Variants in TNFRSF21 observed in about 807,000 individuals in gnomAD.
The protein encoded by TNFRSF21 is TNF receptor superfamily member 21, also known as tumor necrosis factor receptor superfamily member 21.
A neutral mutation model predicts 45.6 loss-of-function variants in TNFRSF21; 19 were observed. The ratio of observed to expected loss-of-function variants is 0.42; its 90% CI spans 0.29 to 0.61. The LOEUF (loss-of-function observed/expected upper bound fraction) is 0.61, where lower values mean the gene tolerates loss of function less well. Ranked by LOEUF, TNFRSF21 falls within the 20% of genes least tolerant of loss-of-function variation. The pLI is 0.23. For missense variants in TNFRSF21, 737 were observed against 851.5 expected (o/e 0.87, Z 1.67); for synonymous variants, 314 against 335.5 (o/e 0.94, Z 0.70).
At chr6:47,280,172 G>T (rs974336489) in intron 3 of TNFRSF21, among the ~76,000 whole-genome samples, 1 of 152,222 alleles carries the variant, frequency 6.6e-6, no homozygotes, top group African/African-American at 2.4e-5. Context: ...TTGTTCTACT[G>T]AGGGTAGGCA....
At chr6:47,258,096 G>T (rs1366986589) in intron 3 of TNFRSF21, among the ~76,000 whole-genome samples, 1 of 152,152 alleles carries the variant, frequency 6.6e-6, no homozygotes, top group Non-Finnish European at 1.5e-5. Flanking sequence ...GTAATCATGG[G>T]CTGGACGGGT....
intron 4 of TNFRSF21, among the ~76,000 whole-genome samples, chr6:47,240,175 T>A (rs1405438240): frequency 6.6e-6 from 1 of 152,118 alleles, no homozygotes; most frequent in Non-Finnish European, 1.5e-5. Context: ...TGCCTGATAG[T>A]CCCCAGCAGA....
At chr6:47,273,807 C>G (rs1238625213) in intron 3 of TNFRSF21, among the ~76,000 whole-genome samples, 2 of 151,414 alleles carry the variant, frequency 1.3e-5, no homozygotes, top group Non-Finnish European at 3.0e-5. Context: ...GATATAAAAT[C>G]AATGTGCAAA....
intron 3 of TNFRSF21, among the ~76,000 whole-genome samples, chr6:47,280,260 T>A (rs1262733298): frequency 1.3e-5 from 2 of 152,156 alleles, no homozygotes; most frequent in Non-Finnish European, 2.9e-5. Flanking sequence ...CTTATCCTCA[T>A]GAACAATTCA....
chr6:47,290,003 A>T (rs1762700945), intron 1 of TNFRSF21, among the ~76,000 whole-genome samples: 1 of 152,140 alleles, frequency 6.6e-6, no homozygotes, highest in Non-Finnish European at 1.5e-5. Context: ...CAAAAAAAAG[A>T]AAAAGAAACA....
chr6:47,309,379 G>A, intron 1 of TNFRSF21, 37 bp downstream of exon 1: 1 of 1,514,240 alleles, frequency 6.6e-7, no homozygotes, highest in Non-Finnish European at 8.8e-7. Context: ...CTTCTGCTCC[G>A]GCGCCGCCGC....
Position 47,284,263 on chromosome 6 carries a change from G to A in TNFRSF21, c.918C>T (p.His306=), listed in dbSNP as rs1451808422. The change falls in exon 3 of 6, where the codon CAC becomes CAT. Residue 306 remains histidine (H), a synonymous_variant. Transcript: ENST00000296861. ...ACGGCAGCAGCTTCAGGATGTGTCT[G>A]TGGTGGGGGCCTTGCTGGTGGTTGA... ...QVVNHQQGPH[H]RHILKLLPSM... 3 of 1,613,146 alleles carry A rather than the reference G, an allele frequency of 1.9e-6. No individual in the cohort carries two copies. The highest frequency in any genetic ancestry group is 2.5e-6 in the Non-Finnish European group (3 of 1,179,458).
intron 3 of TNFRSF21, among the ~76,000 whole-genome samples, chr6:47,279,473 T>C (rs892374287): frequency 6.6e-6 from 1 of 152,208 alleles, no homozygotes; most frequent in Admixed American, 6.5e-5. Flanking sequence ...CTCAGTGCAA[T>C]GTATGGCCAA....
intron 4 of TNFRSF21, among the ~76,000 whole-genome samples, chr6:47,251,690 C>G (rs1256042174): frequency 6.6e-6 from 1 of 152,192 alleles, no homozygotes. Flanking sequence ...TCTTCCAGCT[C>G]TCTCCTTAAA....
Position 47,309,598 on chromosome 6 carries a change from C to G in TNFRSF21, c.-87G>C. 7.3e-7 allele frequency: 1 copy of G among 1,367,892 alleles called. No individual in the cohort carries two copies. The highest frequency in any genetic ancestry group is 9.4e-7 in the Non-Finnish European group (1 of 1,069,420). 84.7% of individuals were successfully genotyped at this position (1,367,892 alleles called of 1,614,324 possible). ...CTTCTGCCCAGCGCCGCATCCACCG[C>G]CGCCTCCCGGGCCGGGAGCCCATCT... is the stretch of plus-strand genomic sequence containing the variant. On this transcript the variant is annotated 5_prime_UTR_variant, in exon 1 of 6. Transcript: ENST00000296861.
At position 47,299,297 on chromosome 6, in the gene TNFRSF21, C is replaced by A. The variant is rs547985239; in HGVS notation, c.96+10119G>T. ...CTTGAGGTCAGGAGTTTGAGACCAGCCAACATGGCCAACATGGTGAAACCC... is the reference window on the plus strand; with the variant it reads ...CTTGAGGTCAGGAGTTTGAGACCAGACAACATGGCCAACATGGTGAAACCC... On this transcript the variant is annotated intron_variant, in intron 1 of 5. Coordinates refer to ENST00000296861, the MANE Select transcript of TNFRSF21 (RefSeq NM_014452.5). Among the ~76,000 whole-genome samples, 10 of 152,102 alleles carry A rather than the reference C, an allele frequency of 6.6e-5. No homozygotes were observed. The East Asian group carries it at 1.9e-3, about 29-fold the overall frequency.
chr6:47,295,721 G>A (rs1762781585), intron 1 of TNFRSF21, among the ~76,000 whole-genome samples: 1 of 152,074 alleles, frequency 6.6e-6, no homozygotes, highest in Non-Finnish European at 1.5e-5. Context: ...AAAGCTTCAA[G>A]GACAGAGCTT....
intron 1 of TNFRSF21, among the ~76,000 whole-genome samples, chr6:47,295,494 C>T (rs917120359): frequency 1.3e-5 from 2 of 152,198 alleles, no homozygotes; most frequent in South Asian, 2.1e-4. Flanking sequence ...AGAGGAAGCC[C>T]GTTACCGTAG....
intron 1 of TNFRSF21, among the ~76,000 whole-genome samples, chr6:47,303,235 C>T (rs1269519092): frequency 6.6e-6 from 1 of 152,196 alleles, no homozygotes; most frequent in Non-Finnish European, 1.5e-5. Context: ...GCAGTACTGA[C>T]AGGAGACGAA....
chr6:47,271,834 T>C (rs1265144947), intron 3 of TNFRSF21, among the ~76,000 whole-genome samples: 1 of 150,704 alleles, frequency 6.6e-6, no homozygotes. Flanking sequence ...ATCAAGCAAA[T>C]GGAAAGCAAA....
At chr6:47,300,027 C>A (rs774651449) in intron 1 of TNFRSF21, among the ~76,000 whole-genome samples, 2 of 152,206 alleles carry the variant, frequency 1.3e-5, no homozygotes, top group African/African-American at 2.4e-5. Context: ...ACAGAGACAA[C>A]TTCATTAGTG....
intron 3 of TNFRSF21, among the ~76,000 whole-genome samples, chr6:47,281,872 T>A (rs1762572095): frequency 6.6e-6 from 1 of 151,990 alleles, no homozygotes; most frequent in Admixed American, 6.6e-5. Context: ...AATTGAAGCT[T>A]TCCCCAGACA....
intron 3 of TNFRSF21, among the ~76,000 whole-genome samples, chr6:47,255,461 T>G (rs996757843): frequency 2.7e-5 from 4 of 150,128 alleles, no homozygotes; most frequent in South Asian, 2.1e-4. Context: ...TGTCTTTGGT[T>G]TTTTTTTTTG....
intron 3 of TNFRSF21, among the ~76,000 whole-genome samples, chr6:47,268,742 T>C (rs1314508862): frequency 6.6e-6 from 1 of 152,148 alleles, no homozygotes; most frequent in Admixed American, 6.5e-5. Flanking sequence ...ACCGGTGTCA[T>C]CCAGGCTATC....
Sources: gnomAD v4.1 joint callset for allele counts (sites outside exome capture counted in the v4.1 genomes callset) on GRCh38, gnomAD v4.1.1 for gene constraint, MANE v1.5 for transcripts, NCBI Gene and HGNC (gene_info 2026-07-23, HGNC 2026-07-21) for gene names.